The following SEZ6 variants were observed in gnomAD, a reference collection of about 807,000 sequenced individuals.
SEZ6 encodes the protein seizure protein 6 homolog.
In SEZ6, 53 loss-of-function variants were observed where a neutral mutation model predicts 101.0. That is an observed-to-expected ratio of 0.52 (90% CI 0.42 to 0.66). SEZ6 has a LOEUF of 0.66. Ranked by LOEUF, SEZ6 falls within the 30% of genes least tolerant of loss-of-function variation. The probability of loss-of-function intolerance (pLI) is 0.00; values close to 1 mark genes in which losing one functional copy is unlikely to be tolerated. For synonymous variants in SEZ6, 488 were observed against 512.2 expected (o/e 0.95, Z 0.64); for missense variants, 1,102 against 1,289.4 (o/e 0.85, Z 2.23).
intron 1 of SEZ6, among the ~76,000 whole-genome samples, chr17:28,992,766 G>T (rs1182598009): frequency 2.0e-5 from 3 of 152,186 alleles, no homozygotes; most frequent in African/African-American, 7.2e-5. Flanking sequence ...GTGACCAGGG[G>T]CCCAGGGTAG....
intron 1 of SEZ6, among the ~76,000 whole-genome samples, chr17:28,992,828 A>G (rs1313011406): frequency 6.6e-6 from 1 of 152,150 alleles, no homozygotes; most frequent in Non-Finnish European, 1.5e-5. Context: ...ACAGTCTAAT[A>G]TGGTCTCGCC....
chr17:28,985,905 G>A (rs1003469358), intron 1 of SEZ6, among the ~76,000 whole-genome samples: 1 of 152,246 alleles, frequency 6.6e-6, no homozygotes, highest in African/African-American at 2.4e-5. Context: ...GGCCCACCTG[G>A]TGCCAGAACA....
intron 1 of SEZ6, among the ~76,000 whole-genome samples, chr17:28,996,221 C>T (rs868574770): frequency 1.3e-5 from 2 of 152,064 alleles, no homozygotes; most frequent in African/African-American, 4.8e-5. Flanking sequence ...GGAGGAGTCA[C>T]TGGAGGCCTG....
intron 4 of SEZ6, 95 bp from the exon 5 acceptor site, chr17:28,964,242 A>G: frequency 7.4e-7 from 1 of 1,350,140 alleles, no homozygotes; most frequent in South Asian, 1.4e-5. Context: ...GTCTGCCTGG[A>G]GGTGTCATTT....
chr17:28,989,917 C>T (rs2041433678), intron 1 of SEZ6, among the ~76,000 whole-genome samples: 1 of 152,118 alleles, frequency 6.6e-6, no homozygotes, highest in African/African-American at 2.4e-5. Context: ...ACTAAAAATA[C>T]AAAAGTTAGC....
At chr17:28,957,583 A>G (rs1371627419) in intron 11 of SEZ6, 44 bp from the exon 12 acceptor site, 4 of 1,572,108 alleles carry the variant, frequency 2.5e-6, no homozygotes, top group Non-Finnish European at 3.5e-6. Flanking sequence ...AAGGAGAACT[A>G]AGCAGAGGCC....
At chr17:28,993,601 GGGACA>G (rs570572549) in intron 1 of SEZ6, among the ~76,000 whole-genome samples, 79 of 152,310 alleles carry the variant, frequency 5.2e-4, no homozygotes, top group African/African-American at 1.7e-3. Flanking sequence ...GTGAAGTTGG[GGGACA>G]GGGGTTGATC....
chr17:28,959,143 T>A lies in SEZ6; in HGVS notation c.1989A>T (p.Ser663=). ...AGAGCTTGAAGTGGCTACGGGGCCC[T>A]GAGTACTGGCCCAGAACCCGGGCCG... The part of the protein sequence containing the change: ...DLTARVLGQY[S]GPRSHFKLFT... The change falls in exon 10 of 17, where the codon TCA becomes TCT. Residue 663 remains serine (S), a synonymous_variant. Transcript: ENST00000317338. This position sits in a 1 kb window ranked among gnomAD's most constrained non-coding sequence, Gnocchi z 4.4. 2 of 1,613,812 alleles carry A rather than the reference T, an allele frequency of 1.2e-6. No homozygotes were observed. The highest frequency in any genetic ancestry group is 2.2e-5 in the South Asian group (2 of 91,066).
At chr17:28,983,617 G>A (rs971672136) in intron 1 of SEZ6, among the ~76,000 whole-genome samples, 2 of 151,644 alleles carry the variant, frequency 1.3e-5, no homozygotes, top group African/African-American at 2.4e-5. Context: ...TGGCCCATTC[G>A]GCTCCCCAGA....
intron 1 of SEZ6, among the ~76,000 whole-genome samples, chr17:28,994,762 C>G (rs528557319): frequency 7.9e-5 from 12 of 151,796 alleles, no homozygotes; most frequent in Non-Finnish European, 1.2e-4. Context: ...AGTCACTGAC[C>G]CTTTATTATC....
intron 4 of SEZ6, among the ~76,000 whole-genome samples, chr17:28,966,045 A>T (rs1029797665): frequency 6.6e-6 from 1 of 152,032 alleles, no homozygotes; most frequent in Non-Finnish European, 1.5e-5. Flanking sequence ...CGGGAGGCTG[A>T]GGCAGGAGAA....
At chr17:28,995,095 G>A (rs1338413874) in intron 1 of SEZ6, among the ~76,000 whole-genome samples, 2 of 151,722 alleles carry the variant, frequency 1.3e-5, no homozygotes, top group Non-Finnish European at 2.9e-5. Context: ...GGATGGTCTC[G>A]ATCTCCTGAC....
intron 7 of SEZ6, chr17:28,960,292 G>T: frequency 1.5e-6 from 1 of 661,040 alleles, no homozygotes; most frequent in Non-Finnish European, 2.6e-6. Flanking sequence ...ATAGGGCCTG[G>T]GTCCAGGCAG....
chr17:29,001,293 T>C (rs1177005435), intron 1 of SEZ6, among the ~76,000 whole-genome samples: 1 of 152,044 alleles, frequency 6.6e-6, no homozygotes, highest in Non-Finnish European at 1.5e-5. Flanking sequence ...CCCCAAGACA[T>C]AGTGGGTGAA....
intron 3 of SEZ6, among the ~76,000 whole-genome samples, chr17:28,971,059 T>C (rs1009252640): frequency 6.6e-6 from 1 of 152,170 alleles, no homozygotes; most frequent in Non-Finnish European, 1.5e-5. Context: ...CAAACAAGGA[T>C]TGGACAACGA....
chr17:28,981,936 T>C lies in SEZ6; in HGVS notation c.159A>G (p.Arg53=), dbSNP rs2041313016. ...GGGCTGTTGTGACAAAGTGGACGCC[T>C]CGTTCTGGCTGCTCAGGTGTGGGGG... ...TAAPTPEQPE[R]GVHFVTTAPT... The change falls in exon 2 of 17, where the codon CGA becomes CGG. Residue 53 remains arginine, a synonymous_variant. Transcript: ENST00000317338. The C allele has an allele frequency of 6.2e-7, 1 of 1,613,716 alleles. No individual in the cohort carries two copies. The highest frequency in any genetic ancestry group is 1.3e-5 in the African/African-American group (1 of 74,904).
intron 3 of SEZ6, among the ~76,000 whole-genome samples, chr17:28,971,645 C>T (rs1598191177): frequency 6.6e-6 from 1 of 152,128 alleles, no homozygotes; most frequent in East Asian, 1.9e-4. Context: ...AAAGCATACT[C>T]TGCATTTTAA....
At position 29,005,774 on chromosome 17, in the gene SEZ6, C is replaced by G. The variant is rs1000580947; in HGVS notation, c.55+41G>C. 20 of 1,473,858 alleles carry G rather than the reference C, an allele frequency of 1.4e-5. No individual in the cohort carries two copies. The highest frequency in any genetic ancestry group is 1.4e-5 in the Non-Finnish European group (16 of 1,111,876). The allele number at this position is 1,473,858 out of a possible 1,614,324, so 91.3% of individuals were successfully genotyped here. A position where few individuals can be genotyped will look rare whatever the true frequency, so the allele number is the denominator to read the frequency against. ...CTCCCTTCCCACCCCTGGGGCCCCGCTCCCGCCCCCGTCCTGCCGCCGGAT... is the reference window on the plus strand; with the variant it reads ...CTCCCTTCCCACCCCTGGGGCCCCGGTCCCGCCCCCGTCCTGCCGCCGGAT... On this transcript the variant is annotated intron_variant, in intron 1 of 16. Transcript: ENST00000317338. The surrounding 1 kb of genome is among the most constrained non-coding windows in gnomAD (Gnocchi z 4.8).
Position 28,956,771 on chromosome 17 carries a change from G to T in SEZ6, c.2693-14C>A. On this transcript the variant is annotated splice_polypyrimidine_tract_variant and intron_variant, in intron 13 of 16. Coordinates refer to ENST00000317338, the MANE Select transcript of SEZ6 (RefSeq NM_178860.5). The stretch of plus-strand genomic sequence containing the variant: ...CATCCAGAGAGGCTGGAACAAAAGG[G>T]GAGGGCCAAGGGCAGTGAGTGAGCC... The T allele has an allele frequency of 6.4e-7, 1 of 1,560,698 alleles. No homozygotes were observed. The highest frequency in any genetic ancestry group is 8.7e-7 in the Non-Finnish European group (1 of 1,152,234).
Sources: allele counts gnomAD v4.1 joint callset (sites outside exome capture counted in the v4.1 genomes callset), GRCh38; gene constraint gnomAD v4.1.1; non-coding constraint Gnocchi (gnomAD v3.1); transcripts MANE v1.5; gene names NCBI Gene and HGNC (gene_info 2026-07-23, HGNC 2026-07-21).